ASIC2: variants seen among roughly 807,000 people sequenced by gnomAD.
ASIC2 encodes the protein acid-sensing ion channel 2.
ASIC2 carries 25 observed loss-of-function variants against 57.3 expected under a neutral mutation model. The observed-to-expected ratio is 0.44, with a 90% CI of 0.32 to 0.61. ASIC2 has a LOEUF of 0.61. Ranked by LOEUF, ASIC2 falls within the 20% of genes least tolerant of loss-of-function variation. ASIC2 has a pLI of 0.06. For missense variants in ASIC2, 641 were observed against 738.1 expected (o/e 0.87, Z 1.52); for synonymous variants, 319 against 307.5 (o/e 1.04, Z -0.39).
chr17:33,306,990 A>G (rs1906206321), intron 1 of ASIC2, among the ~76,000 whole-genome samples: 1 of 152,032 alleles, frequency 6.6e-6, no homozygotes, highest in South Asian at 2.1e-4. Context: ...TATATATTAT[A>G]TATTTTCTTC....
intron 1 of ASIC2, chr17:34,038,122 A>T: frequency 1.2e-6 from 2 of 1,612,834 alleles, no homozygotes; most frequent in Non-Finnish European, 1.7e-6. Flanking sequence ...TTATCTCTCC[A>T]CACCCTGTAC....
chr17:33,382,944 C>T (rs1909540771), intron 1 of ASIC2, among the ~76,000 whole-genome samples: 2 of 152,154 alleles, frequency 1.3e-5, no homozygotes, highest in South Asian at 2.1e-4. Flanking sequence ...TCAGGTCTGC[C>T]GTTCCCTGTG....
chr17:33,401,680 C>T (rs1245730895), intron 1 of ASIC2, among the ~76,000 whole-genome samples: 1 of 152,128 alleles, frequency 6.6e-6, no homozygotes, highest in Non-Finnish European at 1.5e-5. Context: ...ATTTTAAATC[C>T]TAAGCAAAAA....
At chr17:33,804,881 ATCTC>A (rs972989591) in intron 1 of ASIC2, among the ~76,000 whole-genome samples, 1 of 147,872 alleles carries the variant, frequency 6.8e-6, no homozygotes, top group African/African-American at 2.5e-5. Flanking sequence ...TTTGTTTTTG[ATCTC>A]TCTTTTTTTT....
intron 1 of ASIC2, among the ~76,000 whole-genome samples, chr17:33,852,955 A>G (rs956434548): frequency 3.3e-5 from 5 of 152,238 alleles, no homozygotes; most frequent in African/African-American, 1.2e-4. Flanking sequence ...CCCTATTGTC[A>G]TCCCTGATAG....
intron 1 of ASIC2, among the ~76,000 whole-genome samples, chr17:33,648,310 A>G (rs191204002): frequency 1.2e-3 from 179 of 152,300 alleles, no homozygotes; most frequent in African/African-American, 4.2e-3. Flanking sequence ...AAGCATTACG[A>G]TGATATCTAA....
At chr17:33,127,027 C>T (rs1458012191) in intron 1 of ASIC2, among the ~76,000 whole-genome samples, 1 of 150,492 alleles carries the variant, frequency 6.6e-6, no homozygotes, top group Admixed American at 6.6e-5. Context: ...GCCACCGCGC[C>T]CGGCTAATTT....
chr17:33,182,923 A>G (rs66522459), intron 1 of ASIC2, among the ~76,000 whole-genome samples: 41,941 of 152,140 alleles, frequency 0.28, 8,463 homozygotes, highest in African/African-American at 0.55. Context: ...AAAAAAGAGA[A>G]TAATGTTCCA....
rs115942060 is a variant in ASIC2 at position 34,014,049 on chromosome 17, T to C, written c.555+141929A>G. Among the ~76,000 whole-genome samples, 1,179 of 152,268 alleles carry C rather than the reference T, an allele frequency of 7.7e-3. 17 individuals carry two copies. Among genetic ancestry groups the C allele is most frequent in the African/African-American group, 0.027 (1,102 of 41,554 alleles). ...CTTGGTAAAGGGAGTCTCCCCTTCC[T>C]TTTCTCCTCTCCTAGAGCTGCTCTT... On this transcript the variant is annotated intron_variant, in intron 1 of 9. Coordinates refer to the ASIC2 transcript ENST00000359872.
chr17:33,839,293 A>G (rs1276020686), intron 1 of ASIC2, among the ~76,000 whole-genome samples: 4 of 152,252 alleles, frequency 2.6e-5, no homozygotes, highest in African/African-American at 9.6e-5. Context: ...CTAGCACAAC[A>G]GGTGGGTACC....
At chr17:33,702,894 T>C (rs1055998634) in intron 1 of ASIC2, among the ~76,000 whole-genome samples, 1 of 152,156 alleles carries the variant, frequency 6.6e-6, no homozygotes, top group Non-Finnish European at 1.5e-5. Flanking sequence ...CTAGGGGCAT[T>C]AGGTTCCTGC....
chr17:33,915,487 A>G (rs79079202), intron 1 of ASIC2, among the ~76,000 whole-genome samples: 328 of 152,256 alleles, frequency 2.2e-3, no homozygotes, highest in Non-Finnish European at 3.6e-3. Flanking sequence ...CTCAGCTTTC[A>G]GACATGTTCA....
At chr17:33,332,408 G>C (rs1907347822) in intron 1 of ASIC2, among the ~76,000 whole-genome samples, 1 of 152,044 alleles carries the variant, frequency 6.6e-6, no homozygotes, top group Admixed American at 6.6e-5. Context: ...GAATCACTAG[G>C]ACCCTTTACA....
At chr17:34,140,002 G>A (rs1214765529) in intron 1 of ASIC2, among the ~76,000 whole-genome samples, 1 of 152,160 alleles carries the variant, frequency 6.6e-6, no homozygotes, top group Non-Finnish European at 1.5e-5. Context: ...ATAACCAAAT[G>A]CAACACATGA....
At chr17:33,518,509 T>A (rs1914640710) in intron 1 of ASIC2, among the ~76,000 whole-genome samples, 2 of 152,166 alleles carry the variant, frequency 1.3e-5, no homozygotes, top group South Asian at 4.1e-4. Flanking sequence ...TGGGTTCCTT[T>A]CCTGCTTCCA....
intron 1 of ASIC2, among the ~76,000 whole-genome samples, chr17:33,706,788 T>G (rs574233589): frequency 3.0e-4 from 46 of 152,304 alleles, no homozygotes; most frequent in Non-Finnish European, 4.7e-4. Flanking sequence ...TGCCCCCACC[T>G]GGGAAACATC....
chr17:33,643,756 A>C (rs1360653671), intron 1 of ASIC2, among the ~76,000 whole-genome samples: 2 of 152,216 alleles, frequency 1.3e-5, no homozygotes, highest in East Asian at 3.8e-4. Flanking sequence ...CCTGTCATTC[A>C]GAGCTGTTGT....
Position 34,156,253 on chromosome 17 carries a change from G to A in ASIC2, c.280C>T (p.Leu94=). ...AGCCTGGAGAACCGGAAGCCATTCA[G>A]GTTACAGAGGGTCACAGCTGGGAAG... Residue 94 remains leucine, a synonymous_variant, in exon 1 of 10, where the codon CTG becomes TTG. Coordinates refer to the ASIC2 transcript ENST00000359872. This position sits in a 1 kb window ranked among gnomAD's most constrained non-coding sequence, Gnocchi z 4.4. 1.2e-6 allele frequency: 2 copies of A among 1,614,164 alleles called. No individual in the cohort carries two copies. The highest frequency in any genetic ancestry group is 1.7e-6 in the Non-Finnish European group (2 of 1,180,028).
intron 1 of ASIC2, among the ~76,000 whole-genome samples, chr17:34,075,823 CTTTTTTTTTTTTTT>C (rs57703083): frequency 1.3e-5 from 1 of 77,548 alleles, no homozygotes; most frequent in Non-Finnish European, 2.3e-5. Context: ...TTTCTTTTTC[CTTTTTTTTTTTTTT>C]TTTTTTTTTT....
Sources: gnomAD v4.1 joint callset for allele counts (sites outside exome capture counted in the v4.1 genomes callset) on GRCh38, gnomAD v4.1.1 for gene constraint, Gnocchi (gnomAD v3.1) non-coding constraint, MANE v1.5 for transcripts, NCBI Gene and HGNC (gene_info 2026-07-23, HGNC 2026-07-21) for gene names.